Variants in CPED1 observed in about 807,000 individuals in gnomAD.
The protein encoded by CPED1 is cadherin like and PC-esterase domain containing 1.
Under a neutral mutation model 128.2 loss-of-function variants are expected in CPED1, and 114 were observed. The observed-to-expected ratio is 0.89, with a 90% CI of 0.76 to 1.04. CPED1 has a LOEUF of 1.04. CPED1 is among the 50% of genes least tolerant of loss of function. CPED1 has a pLI of 0.00. For missense variants in CPED1, 1,211 were observed against 1,207.1 expected, an observed-to-expected ratio of 1.00 and a Z score of -0.05; for synonymous variants, 462 against 426.7, an observed-to-expected ratio of 1.08 and a Z score of -1.02.
chr7:121,068,396 G>T (rs540056138), intron 5 of CPED1, among the ~76,000 whole-genome samples: 2 of 151,844 alleles, frequency 1.3e-5, no homozygotes, highest in Admixed American at 6.6e-5. Context: ...GCTTGTTTTT[G>T]TCAGGTTTGT....
At chr7:121,075,394 T>C (rs1393446054) in intron 5 of CPED1, among the ~76,000 whole-genome samples, 1 of 152,228 alleles carries the variant, frequency 6.6e-6, no homozygotes, top group East Asian at 1.9e-4. Context: ...TATGATTTAA[T>C]ACTGCATTTT....
chr7:121,041,619 T>A (rs1403202194), intron 3 of CPED1, among the ~76,000 whole-genome samples: 1 of 152,156 alleles, frequency 6.6e-6, no homozygotes, highest in Non-Finnish European at 1.5e-5. Flanking sequence ...AGGTCATTTG[T>A]GAGCCAGGAA....
intron 3 of CPED1, among the ~76,000 whole-genome samples, chr7:121,021,231 C>T (rs765355180): frequency 1.3e-5 from 2 of 151,900 alleles, no homozygotes; most frequent in Non-Finnish European, 2.9e-5. Flanking sequence ...ATACAGATCA[C>T]TACTTAATGT....
chr7:121,005,580 A>G (rs1791990916), intron 2 of CPED1, among the ~76,000 whole-genome samples: 1 of 152,122 alleles, frequency 6.6e-6, no homozygotes, highest in Non-Finnish European at 1.5e-5. Context: ...GCAAACCACG[A>G]TGGTACATGT....
chr7:121,076,798 T>C (rs1365342133), intron 5 of CPED1: 1 of 152,174 alleles, frequency 6.6e-6, no homozygotes, highest in Non-Finnish European at 1.5e-5. Flanking sequence ...CTTTAGCTTT[T>C]CTTCTCCACG....
At chr7:121,128,279 A>T in intron 10 of CPED1, 103 bp from the exon 11 acceptor site, 1 of 680,760 alleles carries the variant, frequency 1.5e-6, no homozygotes, top group Non-Finnish European at 2.7e-6. Flanking sequence ...TCAGTTGTTT[A>T]TAGAACTCAA....
At chr7:121,010,670 G>A (rs533107688) in intron 2 of CPED1, among the ~76,000 whole-genome samples, 10 of 152,274 alleles carry the variant, frequency 6.6e-5, no homozygotes, top group Non-Finnish European at 1.0e-4. Context: ...CCCAAAGTAC[G>A]GTTTGGGAGT....
chr7:121,236,573 A>G (rs1315538683), intron 16 of CPED1, 141 bp from the exon 17 acceptor site: 2 of 461,334 alleles, frequency 4.3e-6, no homozygotes, highest in Non-Finnish European at 7.8e-6. Flanking sequence ...ACTATTGATA[A>G]GCTAGCAGGG....
intron 16 of CPED1, among the ~76,000 whole-genome samples, chr7:121,173,541 T>C (rs1443399444): frequency 6.6e-6 from 1 of 152,142 alleles, no homozygotes. Context: ...AACAGCTCCA[T>C]GCATGTTCCT....
chr7:121,179,529 G>T (rs746765018), intron 16 of CPED1, among the ~76,000 whole-genome samples: 2 of 152,022 alleles, frequency 1.3e-5, no homozygotes, highest in Non-Finnish European at 2.9e-5. Context: ...ATTCTTCTAA[G>T]CAGAAACAGA....
In CPED1 at chr7:121,194,044, A is replaced by T. The variant is rs1170754374; in HGVS notation, c.2056-42670A>T. On this transcript the variant is annotated intron_variant, in intron 16 of 22. Coordinates refer to ENST00000310396, the MANE Select transcript of CPED1 (RefSeq NM_024913.5). ...TCTCTATATATATATATATATATAT[A>T]TATATTTTTTTTTTTTTTTTTTGAG... is the stretch of plus-strand genomic sequence containing the variant. Among the ~76,000 whole-genome samples, 633 of 66,340 alleles carry T rather than the reference A, an allele frequency of 9.5e-3. 7 individuals carry two copies. Among genetic ancestry groups the T allele is most frequent in the Middle Eastern group, 0.032 (3 of 94 alleles). The allele number at this position is 66,340 out of a possible 152,430, so 43.5% of individuals were successfully genotyped here.
intron 5 of CPED1, among the ~76,000 whole-genome samples, chr7:121,074,029 G>A (rs940954014): frequency 2.6e-5 from 4 of 152,002 alleles, no homozygotes; most frequent in Non-Finnish European, 5.9e-5. Flanking sequence ...CTCTGTTGGA[G>A]CTCTCTTCCA....
At chr7:120,990,001 G>A in intron 2 of CPED1, 131 bp downstream of exon 2, 1 of 1,042,158 alleles carries the variant, frequency 9.6e-7, no homozygotes. Flanking sequence ...AGCCTAGAGA[G>A]TGACCTGATG....
intron 2 of CPED1, among the ~76,000 whole-genome samples, chr7:121,004,696 G>A (rs1441243821): frequency 1.3e-5 from 2 of 152,132 alleles, no homozygotes; most frequent in Non-Finnish European, 2.9e-5. Context: ...ATTAAAGCAA[G>A]GAATTCAGGA....
Position 121,250,986 on chromosome 7 carries a change from A to G in CPED1, c.2310+6648A>G, listed in dbSNP as rs1427077678. 3.9e-5 allele frequency among the ~76,000 whole-genome samples: 6 copies of G among 152,184 alleles called. No homozygotes were observed. In the East Asian group the frequency reaches 1.2e-3, roughly 29 times the overall value. Reference sequence around the variant, plus strand: ...ATTTTATGAGGCCAGCATCATCCTGATACTGGCCTGGCAGAGACACAACAA... The same window carrying G: ...ATTTTATGAGGCCAGCATCATCCTGGTACTGGCCTGGCAGAGACACAACAA... On this transcript the variant is annotated intron_variant, in intron 18 of 22. Coordinates refer to ENST00000310396, the MANE Select transcript of CPED1 (RefSeq NM_024913.5).
intron 3 of CPED1, among the ~76,000 whole-genome samples, chr7:121,044,710 A>T (rs1169509717): frequency 9.0e-6 from 1 of 111,014 alleles, no homozygotes; most frequent in Non-Finnish European, 1.8e-5. Context: ...TTCTGTTCAC[A>T]GAAGGTTCTT....
At chr7:121,044,962 A>G (rs566520683) in intron 3 of CPED1, among the ~76,000 whole-genome samples, 2 of 152,168 alleles carry the variant, frequency 1.3e-5, no homozygotes, top group African/African-American at 2.4e-5. Flanking sequence ...ATCATATGAC[A>G]GGAGGTTTCT....
At chr7:121,111,077 G>A (rs1485774392) in intron 7 of CPED1, among the ~76,000 whole-genome samples, 2 of 152,102 alleles carry the variant, frequency 1.3e-5, no homozygotes, top group African/African-American at 4.8e-5. Flanking sequence ...TCAGGAGGAG[G>A]AATGGGAAAG....
intron 3 of CPED1, among the ~76,000 whole-genome samples, chr7:121,037,451 G>GT (rs1397089953): frequency 6.6e-6 from 1 of 152,052 alleles, no homozygotes; most frequent in African/African-American, 2.4e-5. Context: ...TTGGCTGTAA[G>GT]TATTTGGGGT....
Sources: gnomAD v4.1 joint callset for allele counts (sites outside exome capture counted in the v4.1 genomes callset) on GRCh38, gnomAD v4.1.1 for gene constraint, MANE v1.5 for transcripts, NCBI Gene and HGNC (gene_info 2026-07-23, HGNC 2026-07-21) for gene names.